Variants in DNAH9 observed in about 807,000 individuals in gnomAD.
DNAH9 encodes dynein axonemal heavy chain 9, also known as DNAH9 variant protein.
Under a neutral mutation model 471.6 loss-of-function variants are expected in DNAH9, and 345 were observed. The ratio of observed to expected loss-of-function variants is 0.73; its 90% confidence interval spans 0.67 to 0.80. The LOEUF (loss-of-function observed/expected upper bound fraction) is 0.80. Ranked by LOEUF, DNAH9 falls within the 30% of genes least tolerant of loss-of-function variation. The pLI is 0.00. For synonymous variants in DNAH9, 2,093 were observed against 2,123.6 expected, an observed-to-expected ratio of 0.99 and a Z score of 0.40; for missense variants, 5,407 against 5,609.2, an observed-to-expected ratio of 0.96 and a Z score of 1.15.
At chr17:11,942,192 G>T in intron 66 of DNAH9, 111 bp from the exon 67 acceptor site, 1 of 1,425,840 alleles carries the variant, frequency 7.0e-7, no homozygotes, top group South Asian at 1.3e-5. Flanking sequence ...AGTGGGTGGA[G>T]GGGCAGCAGA....
rs1597573470 is a variant in DNAH9, at chr17:11,739,145, A to G, written c.5972+108A>G. On this transcript the variant is annotated intron_variant, in intron 29 of 68. Transcript: ENST00000262442. ...TTAAAGAAAATTTGGAACATTTGGA[A>G]AAGTAGATTTGTAACAACCTTCTTT... is the stretch of plus-strand genomic sequence containing the variant. The G allele has an allele frequency of 3.4e-6, 4 of 1,162,774 alleles. No homozygotes were observed. The East Asian group carries it at 1.0e-4, about 29-fold the overall frequency. The allele number at this position is 1,162,774 out of a possible 1,614,324, so 72.0% of individuals were successfully genotyped here.
intron 5 of DNAH9, among the ~76,000 whole-genome samples, chr17:11,619,295 C>G (rs557564521): frequency 6.6e-6 from 1 of 150,832 alleles, no homozygotes; most frequent in East Asian, 2.0e-4. Flanking sequence ...AGCTAGCCAA[C>G]AAAGTCTCAT....
intron 2 of DNAH9, among the ~76,000 whole-genome samples, chr17:11,609,906 G>A (rs2072595178): frequency 6.6e-6 from 1 of 152,210 alleles, no homozygotes; most frequent in South Asian, 2.1e-4. Flanking sequence ...CTAAGACCAA[G>A]ATGAGGAAAT....
At chr17:11,726,963 G>T (rs895388841) in intron 27 of DNAH9, among the ~76,000 whole-genome samples, 1 of 137,006 alleles carries the variant, frequency 7.3e-6, no homozygotes, top group African/African-American at 2.7e-5. Flanking sequence ...CAGGAGAATC[G>T]CTTGAACCTG....
chr17:11,768,484 G>C lies in DNAH9; in HGVS notation c.7202G>C (p.Trp2401Ser). The change falls in exon 37 of 69, where the codon TGG becomes TCG. Residue 2401 changes from tryptophan (W) to serine (S), a missense_variant. This residue lies in a region of DNAH9 where 4,636 missense variants were observed against 4,900.3 expected (regional missense o/e 0.95). Transcript: ENST00000262442. ...GACTACCGGGCAGAGTTCAGCAAAT[G>C]GTGGCTGACTGAGTTCAAAACAGTC... ...LVDYRAEFSK[W>S]WLTEFKTVKF... The C allele has an allele frequency of 1.2e-6, 2 of 1,614,062 alleles. No homozygotes were observed. The highest frequency in any genetic ancestry group is 1.7e-6 in the Non-Finnish European group (2 of 1,179,954).
At chr17:11,872,352 C>A (rs1453158595) in intron 52 of DNAH9, among the ~76,000 whole-genome samples, 1 of 151,188 alleles carries the variant, frequency 6.6e-6, no homozygotes, top group African/African-American at 2.4e-5. Context: ...CCCAACCCAT[C>A]CCTTTACATC....
intron 57 of DNAH9, among the ~76,000 whole-genome samples, chr17:11,888,205 C>G (rs547523562): frequency 2.4e-4 from 37 of 151,992 alleles, no homozygotes; most frequent in Non-Finnish European, 4.1e-4. Context: ...AGGATGGTCT[C>G]GATCTCCGGA....
chr17:11,650,940 A>G lies in DNAH9; in HGVS notation c.2098-129A>G, dbSNP rs75214370. 1,999 of 932,956 alleles carry G rather than the reference A, an allele frequency of 2.1e-3. 28 individuals are homozygous for G. In the African/African-American group the frequency reaches 0.029, roughly 13 times the overall value. The allele number at this position is 932,956 out of a possible 1,614,324, so 57.8% of individuals were successfully genotyped here. On this transcript the variant is annotated intron_variant, in intron 12 of 68. Coordinates refer to ENST00000262442, the MANE Select transcript of DNAH9 (RefSeq NM_001372.4). ...TTCTGAGACTAGATTTAAGAAACTGATAGGAGCAGAACTTAAGAAAAGACC... is the reference window on the plus strand; with the variant it reads ...TTCTGAGACTAGATTTAAGAAACTGGTAGGAGCAGAACTTAAGAAAAGACC...
At chr17:11,909,023 G>T (rs1377524378) in intron 61 of DNAH9, among the ~76,000 whole-genome samples, 1 of 152,074 alleles carries the variant, frequency 6.6e-6, no homozygotes, top group East Asian at 1.9e-4. Flanking sequence ...AATGTAAGAT[G>T]GAGTCTTTTG....
chr17:11,701,072 T>A (rs1304520141), intron 23 of DNAH9, 50 bp from the exon 24 acceptor site: 32 of 1,609,428 alleles, frequency 2.0e-5, no homozygotes, highest in Non-Finnish European at 2.7e-5. Context: ...TATGTAGGAC[T>A]AACCAAAACT....
chr17:11,789,554 T>C (rs1398561462), intron 41 of DNAH9, among the ~76,000 whole-genome samples: 1 of 152,042 alleles, frequency 6.6e-6, no homozygotes, highest in East Asian at 1.9e-4. Context: ...GTGTCTTTTC[T>C]CTTTTTTTCT....
chr17:11,948,510 G>A (rs1381639055), intron 67 of DNAH9, among the ~76,000 whole-genome samples: 1 of 152,132 alleles, frequency 6.6e-6, no homozygotes, highest in Non-Finnish European at 1.5e-5. Context: ...GATTACAGGC[G>A]TGAGCCACCG....
rs369152348 is a variant in DNAH9, at chr17:11,619,789, C to A, written c.1350+8C>A. 2.0e-6 allele frequency: 3 copies of A among 1,515,372 alleles called. No individual in the cohort carries two copies. The South Asian group carries it at 3.4e-5, about 17-fold the overall frequency. 93.9% of individuals were successfully genotyped at this position (1,515,372 alleles called of 1,614,324 possible). ...CAACTGCACGTGGTGGAGGTGAGTG[C>A]GCACCTCACCTCAGGCTGCCAGCCC... On this transcript the variant is annotated splice_region_variant and intron_variant, in intron 6 of 68. Coordinates refer to ENST00000262442, the MANE Select transcript of DNAH9 (RefSeq NM_001372.4).
intron 57 of DNAH9, among the ~76,000 whole-genome samples, chr17:11,889,788 T>C (rs1972993683): frequency 6.6e-6 from 1 of 152,122 alleles, no homozygotes. Flanking sequence ...ATACCAAAGA[T>C]ACAAGGCAGT....
At position 11,689,614 on chromosome 17, in the gene DNAH9, G is replaced by C. The variant is rs1838779899; in HGVS notation, c.3792G>C (p.Glu1264Asp). 6.2e-7 allele frequency: 1 copy of C among 1,614,082 alleles called. No individual in the cohort carries two copies. Among genetic ancestry groups the C allele is most frequent in the African/African-American group, 1.3e-5 (1 of 75,044 alleles). The change falls in exon 20 of 69, where the codon GAG becomes GAC. Residue 1264 changes from glutamate (E) to aspartate (D), a missense_variant. Around this residue, in one of 3 missense-constraint regions of DNAH9, gnomAD observed 4,636 missense variants for 4,900.3 expected, o/e 0.95. Coordinates refer to ENST00000262442, the MANE Select transcript of DNAH9 (RefSeq NM_001372.4). ...PHQMLDARHI[E>D]IQQMESTMAS... ...AAATGCTGGATGCCAGGCACATCGAGATCCAGCAGATGGAATCCACTATGG... is the reference window on the plus strand; with the variant it reads ...AAATGCTGGATGCCAGGCACATCGACATCCAGCAGATGGAATCCACTATGG...
chr17:11,847,333 T>C (rs1301409310), intron 49 of DNAH9, among the ~76,000 whole-genome samples: 1 of 152,246 alleles, frequency 6.6e-6, no homozygotes, highest in African/African-American at 2.4e-5. Flanking sequence ...TGGGTTTTTA[T>C]AATTTTGGGT....
At chr17:11,890,134 T>C (rs1015766929) in intron 57 of DNAH9, among the ~76,000 whole-genome samples, 2 of 152,220 alleles carry the variant, frequency 1.3e-5, no homozygotes, top group Non-Finnish European at 2.9e-5. Context: ...GATTCTTCAC[T>C]GATTACTGTT....
chr17:11,675,524 A>G (rs537384735), intron 17 of DNAH9, among the ~76,000 whole-genome samples: 1 of 152,312 alleles, frequency 6.6e-6, no homozygotes, highest in East Asian at 1.9e-4. Flanking sequence ...TCTGATCTTA[A>G]AAGGAGTGCT....
chr17:11,799,786 T>TG (rs747719829), intron 43 of DNAH9, among the ~76,000 whole-genome samples: 1 of 152,200 alleles, frequency 6.6e-6, no homozygotes, highest in Non-Finnish European at 1.5e-5. Context: ...GGTTAAACGA[T>TG]GTTGGCCAGG....
Sources: allele counts gnomAD v4.1 joint callset (sites outside exome capture counted in the v4.1 genomes callset), GRCh38; gene constraint gnomAD v4.1.1; regional missense constraint gnomAD v4.1.1; transcripts MANE v1.5; gene names NCBI Gene and HGNC (gene_info 2026-07-23, HGNC 2026-07-21).